The following IFT56 variants were observed in gnomAD, a reference collection of about 807,000 sequenced individuals.
IFT56 encodes intraflagellar transport 56.
At chr7:139,142,405 C>T in the IFT56 span, 2 of 1,074,228 alleles carry the variant, frequency 1.9e-6, no homozygotes, top group Admixed American at 2.1e-5. Context: ...ATTAGAAATT[C>T]TTGTTAATGG....
the IFT56 span, chr7:139,173,054 AC>A: frequency 1.4e-6 from 1 of 734,188 alleles, no homozygotes; most frequent in Non-Finnish European, 2.5e-6. Context: ...AATGCTTCCA[AC>A]TCAGCTTTGC....
chr7:139,149,043 C>T, the IFT56 span, among the ~76,000 whole-genome samples: 28 of 152,130 alleles, frequency 1.8e-4, no homozygotes, highest in African/African-American at 6.5e-4. Flanking sequence ...CGGTGGCTCA[C>T]GCCTGTAATC....
the IFT56 span, chr7:139,187,597 T>C: frequency 6.3e-7 from 1 of 1,582,686 alleles, no homozygotes; most frequent in Non-Finnish European, 8.6e-7. Flanking sequence ...TGAGGGAAAA[T>C]ACTTGTTCTC....
chr7:139,160,195 T>C, the IFT56 span, among the ~76,000 whole-genome samples: 1 of 152,164 alleles, frequency 6.6e-6, no homozygotes, highest in South Asian at 2.1e-4. Context: ...TGAAGAACAA[T>C]CAAGAATTTA....
chr7:139,174,120 C>A, the IFT56 span: 3 of 594,486 alleles, frequency 5.0e-6, no homozygotes, highest in African/African-American at 5.6e-5. Flanking sequence ...CCAATTGATG[C>A]TGTAATCTAC....
At chr7:139,154,770 C>T in the IFT56 span, among the ~76,000 whole-genome samples, 2 of 152,048 alleles carry the variant, frequency 1.3e-5, no homozygotes, top group Non-Finnish European at 2.9e-5. Flanking sequence ...AGTATGCGGC[C>T]TCCTAATTTG....
At chr7:139,166,003 G>A in the IFT56 span, among the ~76,000 whole-genome samples, 4 of 152,148 alleles carry the variant, frequency 2.6e-5, no homozygotes, top group East Asian at 7.7e-4. Flanking sequence ...TGTCGCCCAG[G>A]CTGGAGTGCA....
chr7:139,163,475 T>A, the IFT56 span, among the ~76,000 whole-genome samples: 1 of 152,230 alleles, frequency 6.6e-6, no homozygotes, highest in Non-Finnish European at 1.5e-5. Flanking sequence ...CTAAAGAGAT[T>A]AATTTGTGAC....
the IFT56 span, chr7:139,140,070 CTT>C: frequency 1.8e-6 from 2 of 1,093,832 alleles, no homozygotes; most frequent in Middle Eastern, 4.2e-4. Context: ...GATTTTAAAA[CTT>C]AATTGTATTC....
At chr7:139,144,648 CT>C in the IFT56 span, among the ~76,000 whole-genome samples, 1 of 151,998 alleles carries the variant, frequency 6.6e-6, no homozygotes, top group Non-Finnish European at 1.5e-5. Context: ...CATGTAAACA[CT>C]TTGTCACATT....
the IFT56 span, among the ~76,000 whole-genome samples, chr7:139,141,133 C>T: frequency 1.9e-4 from 28 of 149,022 alleles, no homozygotes; most frequent in African/African-American, 6.2e-4. Flanking sequence ...TGGTGGCGGG[C>T]GCCTGTAGTC....
At chr7:139,145,646 G>A in the IFT56 span, among the ~76,000 whole-genome samples, 1 of 151,914 alleles carries the variant, frequency 6.6e-6, no homozygotes, top group Non-Finnish European at 1.5e-5. Flanking sequence ...AAACTCCTGA[G>A]CTCAAGTGAT....
the IFT56 span, chr7:139,173,473 C>T: frequency 4.5e-6 from 3 of 665,508 alleles, no homozygotes; most frequent in East Asian, 2.6e-5. Context: ...AGGTGATCCA[C>T]TCACCTCGGC....
At chr7:139,158,083 G>A in the IFT56 span, among the ~76,000 whole-genome samples, 1 of 151,924 alleles carries the variant, frequency 6.6e-6, no homozygotes, top group South Asian at 2.1e-4. Flanking sequence ...GGAAGCAGAG[G>A]CAGGCAGATC....
chr7:139,164,494 A>G, the IFT56 span, among the ~76,000 whole-genome samples: 1 of 152,230 alleles, frequency 6.6e-6, no homozygotes, highest in Non-Finnish European at 1.5e-5. Flanking sequence ...TCTATTTCTC[A>G]TAGTTATAAT....
the IFT56 span, among the ~76,000 whole-genome samples, chr7:139,168,151 T>C: frequency 6.6e-6 from 1 of 152,168 alleles, no homozygotes; most frequent in Non-Finnish European, 1.5e-5. Flanking sequence ...TTTTGTTATA[T>C]AGATACTTGG....
At chr7:139,173,679 G>A in the IFT56 span, 1 of 772,580 alleles carries the variant, frequency 1.3e-6, no homozygotes, top group Non-Finnish European at 2.4e-6. Flanking sequence ...ATATTGGCAT[G>A]TGGCATAGCA....
chr7:139,149,319 A>G, the IFT56 span, among the ~76,000 whole-genome samples: 1 of 151,158 alleles, frequency 6.6e-6, no homozygotes, highest in Non-Finnish European at 1.5e-5. Flanking sequence ...AAAAAAAAAA[A>G]AGAACCCTGG....
the IFT56 span, among the ~76,000 whole-genome samples, chr7:139,138,281 CAA>C: frequency 6.6e-6 from 1 of 152,110 alleles, no homozygotes; most frequent in Admixed American, 6.5e-5. Flanking sequence ...AGAGACAGAG[CAA>C]AAGAGACCAC....
Sources: allele counts gnomAD v4.1 joint callset (sites outside exome capture counted in the v4.1 genomes callset), GRCh38; gene constraint gnomAD v4.1.1; transcripts MANE v1.5; gene names NCBI Gene and HGNC (gene_info 2026-07-23, HGNC 2026-07-21).